BANP: variants seen among roughly 807,000 people sequenced by gnomAD.
BANP encodes the protein BTG3 associated nuclear protein.
BANP carries 11 observed loss-of-function variants against 68.1 expected under a neutral mutation model. That is an observed-to-expected ratio of 0.16 (90% confidence interval 0.10 to 0.27). The LOEUF (loss-of-function observed/expected upper bound fraction) is 0.27, where lower values mean the gene tolerates loss of function less well. Among genes scored for constraint, BANP ranks in the 10% least tolerant of loss-of-function variants. BANP has a pLI of 1.00. For synonymous variants in BANP, 329 were observed against 303.2 expected (o/e 1.09, Z -0.88); for missense variants, 504 against 722.7 (o/e 0.70, Z 3.47).
intron 6 of BANP, among the ~76,000 whole-genome samples, chr16:88,010,142 G>C (rs2152576870): frequency 6.6e-6 from 1 of 152,288 alleles, no homozygotes; most frequent in Non-Finnish European, 1.5e-5. Flanking sequence ...AAGTGTGTGG[G>C]GCCTCATCAT....
rs1457309573 is a variant in BANP at position 87,951,524 on chromosome 16, AGC to A, written c.-69+10_-69+11del. ...ATTCCGCAGCCCACACGGTAATTGCAGCTCCCGCAGCCGGTCGCGCCTCCGCC... is the reference window on the plus strand; with the variant it reads ...ATTCCGCAGCCCACACGGTAATTGCATCCCGCAGCCGGTCGCGCCTCCGCC... On this transcript the variant is annotated intron_variant, in intron 1 of 13. Coordinates refer to ENST00000682872, the MANE Select transcript of BANP (RefSeq NM_001386991.1). The A allele has an allele frequency of 1.3e-5, 2 of 152,840 alleles. No individual in the cohort carries two copies. The highest frequency in any genetic ancestry group is 2.9e-5 in the Non-Finnish European group (2 of 67,814). The allele number at this position is 152,840 out of a possible 1,614,324, so 9.5% of individuals were successfully genotyped here. A position where few individuals can be genotyped will look rare whatever the true frequency, so the allele number is the denominator to read the frequency against.
At chr16:88,009,774 G>A (rs980077167) in intron 6 of BANP, among the ~76,000 whole-genome samples, 2 of 151,658 alleles carry the variant, frequency 1.3e-5, no homozygotes, top group African/African-American at 4.8e-5. Context: ...TAAGAAGGAC[G>A]CTAACTCTCA....
At chr16:87,961,373 G>C (rs1035266776) in intron 1 of BANP, among the ~76,000 whole-genome samples, 25 of 151,170 alleles carry the variant, frequency 1.7e-4, no homozygotes, top group African/African-American at 5.9e-4. Flanking sequence ...TGTGTTGCCC[G>C]GGTTGGTCTC....
intron 12 of BANP, among the ~76,000 whole-genome samples, chr16:88,066,007 C>T (rs374501185): frequency 1.3e-3 from 201 of 152,312 alleles, no homozygotes; most frequent in African/African-American, 4.6e-3. Context: ...TGTGCACCTG[C>T]GCCTGTGGCT....
chr16:88,034,893 C>T (rs911312682), intron 9 of BANP, among the ~76,000 whole-genome samples: 4 of 152,166 alleles, frequency 2.6e-5, no homozygotes, highest in African/African-American at 9.7e-5. Context: ...AGATGAGAAA[C>T]TCCAGAAATA....
At chr16:87,995,826 G>C (rs1327682151) in intron 4 of BANP, among the ~76,000 whole-genome samples, 1 of 152,262 alleles carries the variant, frequency 6.6e-6, no homozygotes, top group African/African-American at 2.4e-5. Flanking sequence ...GCTCGGCGGG[G>C]CGCCAAGGGG....
At chr16:87,953,953 C>T (rs537830466) in intron 1 of BANP, among the ~76,000 whole-genome samples, 1 of 152,224 alleles carries the variant, frequency 6.6e-6, no homozygotes, top group East Asian at 1.9e-4. Context: ...CCTGAACGCT[C>T]TTGGATCTTC....
chr16:87,995,970 G>A (rs78345567), intron 4 of BANP, among the ~76,000 whole-genome samples: 2,127 of 152,340 alleles, frequency 0.014, 45 homozygotes, highest in African/African-American at 0.045. Context: ...CACATTTAGC[G>A]GGTTTGGCCC....
rs529241961 is a variant in BANP, at chr16:88,073,148, C to T, written c.1521+936C>T. On this transcript the variant is annotated intron_variant, in intron 13 of 13. Coordinates refer to ENST00000682872, the MANE Select transcript of BANP (RefSeq NM_001386991.1). ...GAAGAGAGGGGTCCTCCTCAGGAGG[C>T]GCTTGCTGAAGAAGTGGGCTCGGTA... Among the ~76,000 whole-genome samples the T allele has an allele frequency of 1.1e-4, 17 of 152,354 alleles. No homozygotes were observed. The South Asian group carries it at 2.7e-3, about 24-fold the overall frequency.
At position 87,996,232 on chromosome 16, in the gene BANP, A is replaced by G. The variant is rs550954020; in HGVS notation, c.363-8063A>G. On this transcript the variant is annotated intron_variant, in intron 4 of 13. Transcript: ENST00000682872. ...GTCATTTCCACATTTGACAGCTTTCATGGAGCCTAGTCACCGCCTGAGACC... is the reference window on the plus strand; with the variant it reads ...GTCATTTCCACATTTGACAGCTTTCGTGGAGCCTAGTCACCGCCTGAGACC... 3.3e-5 allele frequency among the ~76,000 whole-genome samples: 5 copies of G among 152,258 alleles called. No homozygotes were observed. The East Asian group carries it at 9.7e-4, about 29-fold the overall frequency.
chr16:88,011,399 C>T (rs1468176552), intron 6 of BANP, among the ~76,000 whole-genome samples: 6 of 152,168 alleles, frequency 3.9e-5, no homozygotes, highest in Non-Finnish European at 7.3e-5. Context: ...GCTCAGCCGC[C>T]GACTGGTGTT....
chr16:87,999,230 G>A (rs1353454157), intron 4 of BANP, among the ~76,000 whole-genome samples: 17 of 135,660 alleles, frequency 1.3e-4, no homozygotes, highest in South Asian at 2.4e-4. Context: ...ACGTCTCCAT[G>A]CACGCACGTG....
chr16:87,972,259 G>T (rs1445680506), intron 1 of BANP, among the ~76,000 whole-genome samples: 3 of 151,674 alleles, frequency 2.0e-5, no homozygotes, highest in South Asian at 2.1e-4. Context: ...TTGTTCTAAG[G>T]TTCTTCTAGT....
At chr16:88,033,676 A>G (rs2078694775) in intron 9 of BANP, among the ~76,000 whole-genome samples, 1 of 152,162 alleles carries the variant, frequency 6.6e-6, no homozygotes, top group African/African-American at 2.4e-5. Context: ...GCTTGAGGTC[A>G]TTGTTCCCAT....
chr16:88,047,399 A>G (rs566633521), intron 11 of BANP, among the ~76,000 whole-genome samples: 26 of 152,302 alleles, frequency 1.7e-4, no homozygotes, highest in African/African-American at 6.0e-4. Context: ...ACGTCAGTGA[A>G]TGGGCCTTGC....
chr16:87,953,254 A>G (rs944892601), intron 1 of BANP, among the ~76,000 whole-genome samples: 19 of 152,190 alleles, frequency 1.2e-4, no homozygotes, highest in African/African-American at 4.3e-4. Context: ...AGGAACGTCA[A>G]TGAAAGACTT....
rs1370667733 is a variant in BANP at position 87,957,300 on chromosome 16, AGGC to A, written c.-69+5789_-69+5791del. 6.6e-6 allele frequency among the ~76,000 whole-genome samples: 1 copy of A among 152,322 alleles called. No individual in the cohort carries two copies. Among genetic ancestry groups the A allele is most frequent in the South Asian group, 2.1e-4 (1 of 4,826 alleles). On this transcript the variant is annotated intron_variant, in intron 1 of 13. Transcript: ENST00000682872. The surrounding 1 kb of genome is among the most constrained non-coding windows in gnomAD (Gnocchi z 4.3). ...AGCTGTGGAAGGACACATGGAGCAG[AGGC>A]GGCTGAGGAGGTGAAAGGCTGAGAG...
chr16:88,050,477 T>C lies in BANP; in HGVS notation c.1311+12466T>C, dbSNP rs530254482. ...AGCCGACAAGATGGTTTTAAACTAA[T>C]AGCTGTGCCTCTTTAAGACACACAC... is the stretch of plus-strand genomic sequence containing the variant. On this transcript the variant is annotated intron_variant, in intron 11 of 13. Transcript: ENST00000682872. Among the ~76,000 whole-genome samples, 113 of 152,158 alleles carry C rather than the reference T, an allele frequency of 7.4e-4. 1 individual carries two copies. The highest frequency in any genetic ancestry group is 2.6e-3 in the African/African-American group (110 of 41,522).
At chr16:88,051,631 C>G (rs779584491) in intron 11 of BANP, among the ~76,000 whole-genome samples, 13 of 152,210 alleles carry the variant, frequency 8.5e-5, no homozygotes, top group Non-Finnish European at 1.6e-4. Flanking sequence ...GGTTGTGGGG[C>G]TGGTCTGTCA....
Sources: gnomAD v4.1 joint callset for allele counts (sites outside exome capture counted in the v4.1 genomes callset) on GRCh38, gnomAD v4.1.1 for gene constraint, Gnocchi (gnomAD v3.1) non-coding constraint, MANE v1.5 for transcripts, NCBI Gene and HGNC (gene_info 2026-07-23, HGNC 2026-07-21) for gene names.